SMAD6: variants seen among roughly 807,000 people sequenced by gnomAD.
SMAD6 encodes SMAD family member 6, also known as MAD homolog 6.
A neutral mutation model predicts 39.4 loss-of-function variants in SMAD6; 103 were observed. That is an observed-to-expected ratio of 2.62 (90% CI 2.23 to 3.08). The LOEUF (loss-of-function observed/expected upper bound fraction) is 3.08, where lower values mean the gene tolerates loss of function less well. Among genes scored for constraint, SMAD6 ranks in the 30% most tolerant of loss-of-function variants. The probability of loss-of-function intolerance (pLI) is 0.00; values close to 1 mark genes in which losing one functional copy is unlikely to be tolerated. For synonymous variants in SMAD6, 445 were observed against 353.3 expected, an observed-to-expected ratio of 1.26 and a Z score of -2.91; for missense variants, 1,104 against 742.9, an observed-to-expected ratio of 1.49 and a Z score of -5.65.
rs887039123 is a variant in SMAD6, at chr15:66,768,016, C to T, written c.953-12981C>T. Among the ~76,000 whole-genome samples the T allele has an allele frequency of 1.1e-4, 13 of 119,396 alleles. No homozygotes were observed. The South Asian group carries it at 1.1e-3, about 10-fold the overall frequency. The allele number at this position is 119,396 out of a possible 152,430, so 78.3% of individuals were successfully genotyped here. ...ACAGGGTCTTGTTCTGTTGGCCAGG[C>T]TGGAGTGCAGTGGTGCCACCACGGT... On this transcript the variant is annotated intron_variant, in intron 3 of 3. Coordinates refer to ENST00000288840, the MANE Select transcript of SMAD6 (RefSeq NM_005585.5).
At chr15:66,760,186 G>A (rs1894174381) in intron 3 of SMAD6, among the ~76,000 whole-genome samples, 1 of 139,650 alleles carries the variant, frequency 7.2e-6, no homozygotes, top group South Asian at 2.2e-4. Flanking sequence ...TGTGTTCCTT[G>A]CCTCACTGCC....
intron 1 of SMAD6, among the ~76,000 whole-genome samples, chr15:66,709,984 T>G (rs760602457): frequency 1.4e-4 from 21 of 152,182 alleles, no homozygotes; most frequent in Non-Finnish European, 2.8e-4. Context: ...GTGTCCACAT[T>G]TAGTGAGCGC....
At chr15:66,721,088 A>G (rs745622322) in intron 3 of SMAD6, among the ~76,000 whole-genome samples, 71 of 152,054 alleles carry the variant, frequency 4.7e-4, no homozygotes, top group Non-Finnish European at 8.5e-4. Context: ...CATTTTGTAG[A>G]TTGTTGCATT....
chr15:66,769,758 A>G (rs1248997430), intron 3 of SMAD6, among the ~76,000 whole-genome samples: 1 of 152,234 alleles, frequency 6.6e-6, no homozygotes, highest in African/African-American at 2.4e-5. Context: ...TATTTGGGAA[A>G]TAAAAGACAA....
intron 1 of SMAD6, chr15:66,705,663 G>A (rs996074842): frequency 2.0e-5 from 3 of 152,174 alleles, no homozygotes; most frequent in African/African-American, 7.2e-5. Flanking sequence ...TGTTTGTTGA[G>A]CAATTACTTT....
At chr15:66,716,636 G>A (rs552956418) in intron 3 of SMAD6, 138 bp downstream of exon 3, 1 of 711,118 alleles carries the variant, frequency 1.4e-6, no homozygotes, top group Admixed American at 2.2e-5. Context: ...GGATGGGAAG[G>A]TTGCCAATGT....
At position 66,704,032 on chromosome 15, in the gene SMAD6, C is replaced by CTTA; in HGVS notation, c.774_775insTTA (p.Thr258_Val259insLeu). 6.6e-7 allele frequency: 1 copy of CTTA among 1,514,136 alleles called. No individual in the cohort carries two copies. The highest frequency in any genetic ancestry group is 8.8e-7 in the Non-Finnish European group (1 of 1,140,644). The allele number at this position is 1,514,136 out of a possible 1,614,324, so 93.8% of individuals were successfully genotyped here. A position where few individuals can be genotyped will look rare whatever the true frequency, so the allele number is the denominator to read the frequency against. On this transcript the variant is annotated inframe_insertion, in exon 1 of 4. Transcript: ENST00000288840. ...TCGCCGCCGCCGCCGACGGCCCTAC[C>CTTA]GTGTGCTGCAACCCCTACCACTTCA...
chr15:66,711,640 C>T (rs768177474), intron 1 of SMAD6, 28 bp from the exon 2 acceptor site: 3 of 1,590,862 alleles, frequency 1.9e-6, no homozygotes, highest in Non-Finnish European at 8.6e-7. Context: ...CCAACCCTGG[C>T]AGTGACATGC....
At chr15:66,774,080 G>GC (rs1346895525) in intron 3 of SMAD6, among the ~76,000 whole-genome samples, 2 of 152,182 alleles carry the variant, frequency 1.3e-5, no homozygotes, top group Non-Finnish European at 2.9e-5. Flanking sequence ...TCCCACGAAT[G>GC]CCCTGAACCT....
chr15:66,728,404 T>G (rs1227413062), intron 3 of SMAD6, among the ~76,000 whole-genome samples: 2 of 152,012 alleles, frequency 1.3e-5, no homozygotes, highest in East Asian at 1.9e-4. Flanking sequence ...CCTTTTGTTT[T>G]TTTTTTGTTT....
At position 66,703,351 on chromosome 15, in the gene SMAD6, T is replaced by TGGCGGC. The variant is rs758201660; in HGVS notation, c.95_100dup (p.Gly32_Gly33dup). The TGGCGGC allele has an allele frequency of 6.1e-6, 9 of 1,479,508 alleles. No individual in the cohort carries two copies. The highest frequency in any genetic ancestry group is 8.1e-6 in the Non-Finnish European group (9 of 1,115,160). 91.6% of individuals were successfully genotyped at this position (1,479,508 alleles called of 1,614,324 possible). A position where few individuals can be genotyped will look rare whatever the true frequency, so the allele number is the denominator to read the frequency against. Reference sequence around the variant, plus strand: ...AGGAAGGCGGCAGCGGCGGCGGCGGTGGCGGCGACGAGGATGGGAGCTTGG... The same window carrying TGGCGGC: ...AGGAAGGCGGCAGCGGCGGCGGCGGTGGCGGCGGCGGCGACGAGGATGGGAGCTTGG... On this transcript the variant is annotated inframe_insertion, in exon 1 of 4. Transcript: ENST00000288840.
intron 3 of SMAD6, among the ~76,000 whole-genome samples, chr15:66,736,933 G>T (rs1002617794): frequency 6.6e-6 from 1 of 152,176 alleles, no homozygotes; most frequent in Non-Finnish European, 1.5e-5. Context: ...CTCCCAAAGT[G>T]CTGGGATTAC....
Position 66,703,531 on chromosome 15 carries a change from G to T in SMAD6, c.273G>T (p.Arg91Ser). The change falls in exon 1 of 4, where the codon AGG becomes AGT. Residue 91 changes from arginine (R) to serine (S), a missense_variant. Physicochemically the swap from Arg to Ser is moderately radical, Grantham distance 110. Transcript: ENST00000288840. ...GCCGGCGCGCAGGGGGCCCCCCGAG[G>T]CCCATGTCGGAGCCAGGGGCCGGCG... ...GRRRRAGGPP[R>S]PMSEPGAGAG... 1.6e-6 allele frequency: 2 copies of T among 1,221,934 alleles called. No homozygotes were observed. The highest frequency in any genetic ancestry group is 2.0e-6 in the Non-Finnish European group (2 of 979,310). 75.7% of individuals were successfully genotyped at this position (1,221,934 alleles called of 1,614,324 possible). A position where few individuals can be genotyped will look rare whatever the true frequency, so the allele number is the denominator to read the frequency against.
In SMAD6 at chr15:66,703,600, C is replaced by CTGGCTGCCCGAGAGTGACTGCGAGACGG; in HGVS notation, c.345_372dup (p.Thr125AlafsTer5). Reference sequence around the variant, plus strand: ...ACGTGGCGGAGCCGGGAGGCCCGGGCTGGCTGCCCGAGAGTGACTGCGAGA... The same window carrying CTGGCTGCCCGAGAGTGACTGCGAGACGG: ...ACGTGGCGGAGCCGGGAGGCCCGGGCTGGCTGCCCGAGAGTGACTGCGAGACGGTGGCTGCCCGAGAGTGACTGCGAGA... On this transcript the variant is annotated frameshift_variant, in exon 1 of 4. Transcript: ENST00000288840. LOFTEE classifies it high-confidence loss of function. 1 of 1,227,902 alleles carries CTGGCTGCCCGAGAGTGACTGCGAGACGG rather than the reference C, an allele frequency of 8.1e-7. No individual in the cohort carries two copies. The highest frequency in any genetic ancestry group is 1.0e-6 in the Non-Finnish European group (1 of 982,032). The allele number at this position is 1,227,902 out of a possible 1,614,324, so 76.1% of individuals were successfully genotyped here. A position where few individuals can be genotyped will look rare whatever the true frequency, so the allele number is the denominator to read the frequency against.
chr15:66,721,244 C>T (rs769286926), intron 3 of SMAD6, among the ~76,000 whole-genome samples: 44 of 152,146 alleles, frequency 2.9e-4, no homozygotes, highest in Admixed American at 5.2e-4. Flanking sequence ...CACTCGGTAG[C>T]ACCTGTGCCT....
intron 3 of SMAD6, among the ~76,000 whole-genome samples, chr15:66,739,131 C>T (rs1595780285): frequency 6.6e-6 from 1 of 150,866 alleles, no homozygotes; most frequent in East Asian, 2.0e-4. Context: ...TGCCCTGTCA[C>T]CCAGGCTGGA....
chr15:66,704,131 G>T, intron 1 of SMAD6, 56 bp downstream of exon 1: 1 of 1,288,552 alleles, frequency 7.8e-7, no homozygotes, highest in Non-Finnish European at 1.0e-6. Flanking sequence ...ATCCCCTTCC[G>T]TGCCCTTCTC....
At chr15:66,748,988 A>G (rs59496192) in intron 3 of SMAD6, among the ~76,000 whole-genome samples, 4,036 of 152,230 alleles carry the variant, frequency 0.027, 171 homozygotes, top group African/African-American at 0.09. Context: ...GTCTAATTCA[A>G]TTGGTTCCCC....
chr15:66,777,518 T>G (rs1894486935), intron 3 of SMAD6, among the ~76,000 whole-genome samples: 2 of 152,170 alleles, frequency 1.3e-5, no homozygotes, highest in Non-Finnish European at 2.9e-5. Context: ...GGCATGATGA[T>G]GTACATCGCA....
Sources: allele counts gnomAD v4.1 joint callset (sites outside exome capture counted in the v4.1 genomes callset), GRCh38; gene constraint gnomAD v4.1.1; transcripts MANE v1.5; gene names NCBI Gene and HGNC (gene_info 2026-07-23, HGNC 2026-07-21).